The following CLEC4F variants were observed in gnomAD, a reference collection of about 807,000 sequenced individuals.
CLEC4F encodes C-type (calcium dependent, carbohydrate-recognition domain) lectin, superfamily member 13.
In CLEC4F, 45 loss-of-function variants were observed where a neutral mutation model predicts 53.4. That is an observed-to-expected ratio of 0.84 (90% CI 0.66 to 1.08). CLEC4F has a LOEUF of 1.08. Among genes scored for constraint, CLEC4F ranks in the 50% least tolerant of loss-of-function variants. CLEC4F has a pLI of 0.00. For synonymous variants in CLEC4F, 245 were observed against 257.5 expected, an observed-to-expected ratio of 0.95 and a Z score of 0.46; for missense variants, 753 against 698.2, an observed-to-expected ratio of 1.08 and a Z score of -0.88.
At chr2:70,825,049 G>A (rs567464170), upstream of CLEC4F, among the ~76,000 whole-genome samples, 1 of 152,306 alleles carries the variant, frequency 6.6e-6, no homozygotes, top group South Asian at 2.1e-4. Context: ...AACGCCAACA[G>A]TAATGAATTC....
Position 70,812,660 on chromosome 2 carries a change from C to A in CLEC4F, c.1388-62G>T, listed in dbSNP as rs533460648. The stretch of plus-strand genomic sequence containing the variant: ...CTGCTGGTAGGAGTCCCAGAAGGAA[C>A]TTTTCTGACCTCTCTAGGGCCTGCC... On this transcript the variant is annotated intron_variant, in intron 4 of 6. Coordinates refer to ENST00000272367, the MANE Select transcript of CLEC4F (RefSeq NM_173535.3). The A allele has an allele frequency of 3.3e-5, 51 of 1,560,158 alleles. No individual in the cohort carries two copies. The South Asian group carries it at 5.3e-4, about 16-fold the overall frequency.
chr2:70,819,715 TG>T, intron 2 of CLEC4F, 59 bp downstream of exon 2: 1 of 1,285,804 alleles, frequency 7.8e-7, no homozygotes, highest in Non-Finnish European at 1.1e-6. Context: ...CTGGGGCCCC[TG>T]GGGACTTTGT....
In CLEC4F at chr2:70,816,664, C is replaced by T; in HGVS notation, c.717G>A (p.Gln239=). 3 of 1,614,178 alleles carry T rather than the reference C, an allele frequency of 1.9e-6. No homozygotes were observed. The highest frequency in any genetic ancestry group is 1.3e-5 in the African/African-American group (1 of 75,048). ...LNASLETANT[Q]AQLANSSLKN... ...TTAAACTGCTATTGGCTAACTGAGC[C>T]TGGGTATTTGCCGTTTCCAAACTGG... is the stretch of plus-strand genomic sequence containing the variant. The change falls in exon 4 of 7, where the codon CAG becomes CAA. Residue 239 remains glutamine, a synonymous_variant. Transcript: ENST00000272367.
At chr2:70,817,206 G>A in intron 3 of CLEC4F, 94 bp from the exon 4 acceptor site, 1 of 1,345,064 alleles carries the variant, frequency 7.4e-7, no homozygotes, top group South Asian at 1.5e-5. Flanking sequence ...ATTTCCAAGG[G>A]AAATGGGTAC....
At chr2:70,815,904 T>C (rs1238087186) in intron 4 of CLEC4F, 90 bp downstream of exon 4, 10 of 1,353,682 alleles carry the variant, frequency 7.4e-6, no homozygotes, top group Non-Finnish European at 1.0e-5. Flanking sequence ...GAGATGCATG[T>C]TGCAGTAAAA....
At chr2:70,820,373 A>C in intron 1 of CLEC4F, 90 bp downstream of exon 1, 1 of 1,187,510 alleles carries the variant, frequency 8.4e-7, no homozygotes, top group Non-Finnish European at 1.2e-6. Flanking sequence ...GAGAGCAATA[A>C]GACAGCAATA....
At chr2:70,811,044 G>A (rs1676529059) in intron 5 of CLEC4F, 2 of 645,482 alleles carry the variant, frequency 3.1e-6, no homozygotes, top group Non-Finnish European at 5.9e-6. Flanking sequence ...TGCTAACCCT[G>A]CTGGGAAAAT....
chr2:70,818,876 G>T (rs1029466843), intron 3 of CLEC4F, among the ~76,000 whole-genome samples: 1 of 151,222 alleles, frequency 6.6e-6, no homozygotes, highest in Non-Finnish European at 1.5e-5. Context: ...AATCTTGTTA[G>T]GAGAATGACA....
chr2:70,822,599 G>A, upstream of CLEC4F, among the ~76,000 whole-genome samples: 1 of 152,194 alleles, frequency 6.6e-6, no homozygotes, highest in East Asian at 1.9e-4. Context: ...GGCTGGTCAA[G>A]GAACCCCTCT....
At chr2:70,821,301 T>C (rs1677210579), upstream of CLEC4F, among the ~76,000 whole-genome samples, 1 of 152,216 alleles carries the variant, frequency 6.6e-6, no homozygotes, top group African/African-American at 2.4e-5. Flanking sequence ...CACTTGGGTT[T>C]ATGCTAATGA....
At chr2:70,818,179 C>T (rs1558619000) in intron 3 of CLEC4F, among the ~76,000 whole-genome samples, 1 of 152,146 alleles carries the variant, frequency 6.6e-6, no homozygotes, top group Non-Finnish European at 1.5e-5. Flanking sequence ...GAGAGGGGAC[C>T]TTTCAAGGTA....
chr2:70,820,589 C>A lies in CLEC4F; in HGVS notation c.-66G>T. On this transcript the variant is annotated 5_prime_UTR_variant, in exon 1 of 7. Coordinates refer to ENST00000272367, the MANE Select transcript of CLEC4F (RefSeq NM_173535.3). ...GCTCCTGGAAGGGCCGTCCCGTGGA[C>A]CAATGGCAGTGGAAGCAAAGCTGAG... 2.0e-6 allele frequency: 3 copies of A among 1,485,890 alleles called. No homozygotes were observed. Among genetic ancestry groups the A allele is most frequent in the Non-Finnish European group, 1.8e-6 (2 of 1,096,502 alleles). The allele number at this position is 1,485,890 out of a possible 1,614,324, so 92.0% of individuals were successfully genotyped here.
rs1553396509 is a variant in CLEC4F at position 70,817,040 on chromosome 2, G to A, written c.341C>T (p.Ser114Phe). 3 of 1,614,054 alleles carry A rather than the reference G, an allele frequency of 1.9e-6. No homozygotes were observed. The highest frequency in any genetic ancestry group is 3.3e-5 in the Admixed American group (2 of 60,018). Residue 114 changes from serine (S) to phenylalanine (F), a missense_variant, in exon 4 of 7, where the codon TCC (serine) becomes TTC (phenylalanine). Physicochemically the swap from Ser to Phe is radical, Grantham distance 155. Transcript: ENST00000272367. ...CTGGATTTCTACTACCCAGGCACTG[G>A]AATTCTCCATGTGGCCTTTAAATGT... ...IQTFKGHMEN[S>F]SAWVVEIQML...
At chr2:70,812,299 A>T in intron 5 of CLEC4F, 148 bp downstream of exon 5, 1 of 781,178 alleles carries the variant, frequency 1.3e-6, no homozygotes, top group East Asian at 2.7e-5. Flanking sequence ...GCATATGCTC[A>T]TCAGAACTCA....
At chr2:70,822,999 G>A (rs913781665), upstream of CLEC4F, among the ~76,000 whole-genome samples, 2 of 152,216 alleles carry the variant, frequency 1.3e-5, no homozygotes, top group Admixed American at 6.5e-5. Context: ...GGCCCAGGAG[G>A]AGCCTGTGCC....
In CLEC4F at chr2:70,816,427, CT is replaced by C. The variant is rs1676914905; in HGVS notation, c.953del (p.Gln318ArgfsTer3). The C allele has an allele frequency of 1.9e-6, 3 of 1,613,974 alleles. No individual in the cohort carries two copies. The highest frequency in any genetic ancestry group is 3.3e-5 in the Admixed American group (2 of 59,978). On this transcript the variant is annotated frameshift_variant, in exon 4 of 7. Coordinates refer to ENST00000272367, the MANE Select transcript of CLEC4F (RefSeq NM_173535.3). LOFTEE classifies it high-confidence loss of function. ...CTCTTTCCAAATGACCTCTTAAGAA[CT>C]GGATCTCAGCACTAGTGTTGTCAAA... ...SSFDNTSAEIQFLRGHLERAG... is the reference protein window; with the variant it reads ...SSFDNTSAEIXFLRGHLERAG...
Position 70,816,353 on chromosome 2 carries a change from G to A in CLEC4F, c.1028C>T (p.Ala343Val), listed in dbSNP as rs1676907966. The A allele has an allele frequency of 1.2e-6, 2 of 1,613,948 alleles. No homozygotes were observed. Among genetic ancestry groups the A allele is most frequent in the Admixed American group, 3.3e-5 (2 of 59,964 alleles). Residue 343 changes from alanine to valine, a missense_variant, in exon 4 of 7, where the codon GCC becomes GTC. By Grantham distance (64) the Ala-to-Val change is moderately conservative. Coordinates refer to ENST00000272367, the MANE Select transcript of CLEC4F (RefSeq NM_173535.3). The part of the protein sequence containing the change: ...VLKRDLKMVT[A>V]QTQKANGRLD... ...ACGGCCATTTGCTTTTTGGGTCTGG[G>A]CTGTGACCATTTTCAAATCCCTTTT...
chr2:70,819,940 A>G (rs377086313), intron 1 of CLEC4F, 49 bp from the exon 2 acceptor site: 6 of 1,310,046 alleles, frequency 4.6e-6, no homozygotes, highest in Non-Finnish European at 6.3e-6. Flanking sequence ...TGTGCAAGGT[A>G]AGAGGGTGCT....
At chr2:70,822,625 G>A (rs1366670416), upstream of CLEC4F, among the ~76,000 whole-genome samples, 1 of 152,140 alleles carries the variant, frequency 6.6e-6, no homozygotes, top group Non-Finnish European at 1.5e-5. Flanking sequence ...CCAGTGCTGG[G>A]GTTACCAGCA....
Sources: allele counts gnomAD v4.1 joint callset (sites outside exome capture counted in the v4.1 genomes callset), GRCh38; gene constraint gnomAD v4.1.1; transcripts MANE v1.5; gene names NCBI Gene and HGNC (gene_info 2026-07-23, HGNC 2026-07-21).